The following CLEC4F variants were observed in gnomAD, a reference collection of about 807,000 sequenced individuals.
CLEC4F encodes C-type lectin domain family 4 member F.
CLEC4F carries 45 observed loss-of-function variants against 53.4 expected under a neutral mutation model. That is an observed-to-expected ratio of 0.84 (90% CI 0.66 to 1.08). The LOEUF is 1.08. CLEC4F is among the 50% of genes least tolerant of loss of function. CLEC4F has a pLI of 0.00. For missense variants in CLEC4F, 753 were observed against 698.2 expected, an observed-to-expected ratio of 1.08 and a Z score of -0.88; for synonymous variants, 245 against 257.5, an observed-to-expected ratio of 0.95 and a Z score of 0.46.
chr2:70,818,274 C>T (rs1339684837), intron 3 of CLEC4F, among the ~76,000 whole-genome samples: 1 of 152,172 alleles, frequency 6.6e-6, no homozygotes, highest in Non-Finnish European at 1.5e-5. Flanking sequence ...AGTAGACCCC[C>T]ACACATATGG....
chr2:70,815,962 C>T, intron 4 of CLEC4F, 32 bp downstream of exon 4: 2 of 1,588,698 alleles, frequency 1.3e-6, no homozygotes, highest in Non-Finnish European at 1.7e-6. Context: ...AGACTGTGCC[C>T]TCCCCAAACG....
chr2:70,822,086 G>A (rs1303780341), upstream of CLEC4F, among the ~76,000 whole-genome samples: 2 of 152,132 alleles, frequency 1.3e-5, no homozygotes, highest in Admixed American at 1.3e-4. Flanking sequence ...AGTTGACCAG[G>A]CAGAAGTGGG....
At chr2:70,823,110 G>T (rs1008071026), upstream of CLEC4F, among the ~76,000 whole-genome samples, 2 of 142,678 alleles carry the variant, frequency 1.4e-5, no homozygotes, top group Admixed American at 6.8e-5. Context: ...TGATGGTGGG[G>T]GTGTGTGTGT....
At chr2:70,822,069 A>G (rs376083562), upstream of CLEC4F, among the ~76,000 whole-genome samples, 1 of 152,004 alleles carries the variant, frequency 6.6e-6, no homozygotes, top group African/African-American at 2.4e-5. Flanking sequence ...AGAACCCCCA[A>G]ATTTGTAGTT....
intron 1 of CLEC4F, 95 bp from the exon 2 acceptor site, chr2:70,819,986 CCTGGGTTGT>C (rs1677148566): frequency 2.5e-6 from 2 of 800,496 alleles, no homozygotes; most frequent in Non-Finnish European, 3.9e-6. Context: ...GATTCTGTTT[CCTGGGTTGT>C]CTAATGGGGA....
chr2:70,820,487 G>T lies in CLEC4F; in HGVS notation c.37C>A (p.Gln13Lys), dbSNP rs575554427. Reference protein sequence around the residue: ...GEAVRFCTDNQCVSLHPQEVD... With the variant: ...GEAVRFCTDNKCVSLHPQEVD... ...CCTTGGGGGTGCAGGGAGACACACT[G>T]GTTATCTGTGCAGAAGCGGACTGCC... The change falls in exon 1 of 7, where the codon CAG (glutamine) becomes AAG (lysine). Residue 13 changes from glutamine (Q) to lysine (K), a missense_variant. Gln to Lys is a moderately conservative substitution (Grantham distance 53). Coordinates refer to ENST00000272367, the MANE Select transcript of CLEC4F (RefSeq NM_173535.3). 3.8e-6 allele frequency: 6 copies of T among 1,590,380 alleles called. No homozygotes were observed. The highest frequency in any genetic ancestry group is 1.1e-5 in the South Asian group (1 of 87,516).
intron 4 of CLEC4F, 62 bp from the exon 5 acceptor site, chr2:70,812,660 C>G: frequency 6.4e-7 from 1 of 1,560,158 alleles, no homozygotes; most frequent in Non-Finnish European, 8.8e-7. Context: ...CCAGAAGGAA[C>G]TTTTCTGACC....
chr2:70,816,851 T>C lies in CLEC4F; in HGVS notation c.530A>G (p.Asn177Ser). The C allele has an allele frequency of 1.2e-6, 2 of 1,614,208 alleles. No homozygotes were observed. The highest frequency in any genetic ancestry group is 1.7e-6 in the Non-Finnish European group (2 of 1,180,030). The change falls in exon 4 of 7, where the codon AAT (asparagine) becomes AGT (serine). Residue 177 changes from asparagine (N) to serine (S), a missense_variant. By Grantham distance (46) the Asn-to-Ser change is conservative. Coordinates refer to ENST00000272367, the MANE Select transcript of CLEC4F (RefSeq NM_173535.3). ...TTCCTTGAGCCTCTGGATCTCAGCA[T>C]TGGTTCCCTCCAGGGAACTCCTTAA... Reference protein sequence around the residue: ...QMLRSSLEGTNAEIQRLKEDL... With the variant: ...QMLRSSLEGTSAEIQRLKEDL...
At chr2:70,814,457 A>G (rs1224095797) in intron 4 of CLEC4F, among the ~76,000 whole-genome samples, 6 of 152,166 alleles carry the variant, frequency 3.9e-5, no homozygotes, top group East Asian at 3.9e-4. Flanking sequence ...TAGAAATGCA[A>G]ATTTTCAGGA....
At chr2:70,815,758 A>G (rs188886506) in intron 4 of CLEC4F, among the ~76,000 whole-genome samples, 134 of 152,184 alleles carry the variant, frequency 8.8e-4, no homozygotes, top group Non-Finnish European at 1.6e-3. Flanking sequence ...CACGTGCACC[A>G]TTTACAGTTG....
upstream of CLEC4F, among the ~76,000 whole-genome samples, chr2:70,824,593 T>G (rs1677301202): frequency 1.2e-5 from 1 of 83,948 alleles, no homozygotes; most frequent in Admixed American, 1.9e-4. Context: ...CATCTTGTAG[T>G]ACCAGAAAGT....
At chr2:70,821,081 T>G (rs1359358253), upstream of CLEC4F, among the ~76,000 whole-genome samples, 4 of 152,164 alleles carry the variant, frequency 2.6e-5, no homozygotes, top group Non-Finnish European at 5.9e-5. Flanking sequence ...ATAAAAATAC[T>G]ACATGATTTT....
intron 4 of CLEC4F, among the ~76,000 whole-genome samples, chr2:70,813,348 G>A (rs1553394784): frequency 1.3e-5 from 2 of 152,200 alleles, no homozygotes; most frequent in African/African-American, 4.8e-5. Context: ...TGGAAAAAAG[G>A]TGTTGAAGAT....
upstream of CLEC4F, among the ~76,000 whole-genome samples, chr2:70,821,317 C>G (rs1389585965): frequency 3.3e-5 from 5 of 152,158 alleles, no homozygotes; most frequent in African/African-American, 4.8e-5. Context: ...AATGAGGTGA[C>G]ACAGGGTGGA....
intron 6 of CLEC4F, 127 bp downstream of exon 6, chr2:70,809,612 A>G: frequency 1.2e-6 from 1 of 808,094 alleles, no homozygotes; most frequent in Non-Finnish European, 2.0e-6. Context: ...TACACCACAT[A>G]CACACCACAC....
chr2:70,820,632 C>CTCCTGACAGAGG (rs376646754), upstream of CLEC4F: 231 of 1,045,390 alleles, frequency 2.2e-4, 1 homozygote, highest in African/African-American at 3.2e-3. Context: ...CACTTATATG[C>CTCCTGACAGAGG]TCCTGACCAC....
At chr2:70,823,506 G>A (rs1677278571), upstream of CLEC4F, among the ~76,000 whole-genome samples, 1 of 152,192 alleles carries the variant, frequency 6.6e-6, no homozygotes, top group Non-Finnish European at 1.5e-5. Context: ...GAGAGCTGAG[G>A]GAACCTCGAA....
intron 5 of CLEC4F, chr2:70,811,275 C>T: frequency 9.8e-7 from 1 of 1,024,384 alleles, no homozygotes; most frequent in Non-Finnish European, 1.5e-6. Context: ...CTTCCATACA[C>T]CTTCATCTTG....
At chr2:70,810,641 A>T (rs1166970394) in intron 5 of CLEC4F, among the ~76,000 whole-genome samples, 1 of 148,226 alleles carries the variant, frequency 6.7e-6, no homozygotes, top group Non-Finnish European at 1.5e-5. Context: ...AAAAAAAAAA[A>T]GTATTTCCCA....
Sources: gnomAD v4.1 joint callset for allele counts (sites outside exome capture counted in the v4.1 genomes callset) on GRCh38, gnomAD v4.1.1 for gene constraint, MANE v1.5 for transcripts, NCBI Gene and HGNC (gene_info 2026-07-23, HGNC 2026-07-21) for gene names.